Variants in GRHL2 observed in about 807,000 individuals in gnomAD.
GRHL2 encodes the protein grainyhead-like protein 2 homolog.
In GRHL2, 21 loss-of-function variants were observed where a neutral mutation model predicts 83.8. That is an observed-to-expected ratio of 0.25 (90% CI 0.18 to 0.36). GRHL2 has a LOEUF of 0.36. Ranked by LOEUF, GRHL2 falls within the 10% of genes least tolerant of loss-of-function variation. The probability of loss-of-function intolerance (pLI) is 1.00; values close to 1 mark genes in which losing one functional copy is unlikely to be tolerated. For synonymous variants in GRHL2, 280 were observed against 278.9 expected (o/e 1.00, Z -0.04); for missense variants, 623 against 781.8 (o/e 0.80, Z 2.42).
chr8:101,611,872 T>G (rs1812757082), intron 8 of GRHL2, among the ~76,000 whole-genome samples: 1 of 150,974 alleles, frequency 6.6e-6, no homozygotes, highest in Admixed American at 6.6e-5. Flanking sequence ...TAGGGTGATC[T>G]CTCCATTTTT....
rs1813299597 is a variant in GRHL2, at chr8:101,636,937, C to T, written c.1517+9C>T. 1 of 1,612,702 alleles carries T rather than the reference C, an allele frequency of 6.2e-7. No homozygotes were observed. Among genetic ancestry groups the T allele is most frequent in the South Asian group, 1.1e-5 (1 of 91,038 alleles). On this transcript the variant is annotated intron_variant, in intron 12 of 15. Transcript: ENST00000646743. ...GATGATGAACGAGAAGGGTAAGACA[C>T]TCAGTTCTTTCATTTCAACACTCCA...
chr8:101,528,598 T>G (rs116409738), intron 1 of GRHL2: 1 of 170,322 alleles, frequency 5.9e-6, no homozygotes, highest in South Asian at 1.5e-4. Context: ...TTAGGTATAT[T>G]TGTGACCGAG....
In GRHL2 at chr8:101,608,777, A is replaced by ACACACC. The variant is rs1554591948; in HGVS notation, c.1098+9627_1098+9628insACACCC. On this transcript the variant is annotated intron_variant, in intron 8 of 15. Coordinates refer to ENST00000646743, the MANE Select transcript of GRHL2 (RefSeq NM_024915.4). ...CACACACACACACACACACACACAC[A>ACACACC]CCTACACCTCATTTCTAAGTACTTC... Among the ~76,000 whole-genome samples the ACACACC allele has an allele frequency of 1.0e-4, 13 of 130,140 alleles. 2 individuals are homozygous for ACACACC. The highest frequency in any genetic ancestry group is 4.3e-4 in the African/African-American group (13 of 30,294). The allele number at this position is 130,140 out of a possible 152,430, so 85.4% of individuals were successfully genotyped here. A position where few individuals can be genotyped will look rare whatever the true frequency, so the allele number is the denominator to read the frequency against.
intron 8 of GRHL2, among the ~76,000 whole-genome samples, chr8:101,599,455 C>T (rs751179754): frequency 3.3e-5 from 5 of 152,180 alleles, no homozygotes; most frequent in Non-Finnish European, 2.9e-5. Context: ...CCCCCAAAGG[C>T]GTCTCTGTGC....
intron 14 of GRHL2, among the ~76,000 whole-genome samples, chr8:101,650,137 G>GT (rs1018502233): frequency 6.6e-6 from 1 of 152,130 alleles, no homozygotes; most frequent in Non-Finnish European, 1.5e-5. Flanking sequence ...TAGAAGATTT[G>GT]TTTTTTTATA....
chr8:101,673,642 G>C (rs1203815104), downstream of GRHL2, among the ~76,000 whole-genome samples: 14 of 152,086 alleles, frequency 9.2e-5, no homozygotes, highest in East Asian at 2.1e-3. Flanking sequence ...ACATTAGACA[G>C]ATCAACAAGA....
chr8:101,564,097 A>C (rs1359303119), intron 4 of GRHL2, among the ~76,000 whole-genome samples: 10 of 152,226 alleles, frequency 6.6e-5, no homozygotes, highest in African/African-American at 1.9e-4. Flanking sequence ...GAGAAAGTAA[A>C]GAAACTTACC....
chr8:101,523,150 G>T (rs979623796), intron 1 of GRHL2, among the ~76,000 whole-genome samples: 1 of 151,892 alleles, frequency 6.6e-6, no homozygotes, highest in East Asian at 1.9e-4. Context: ...GGCCTCAAGT[G>T]ATCCACCCAC....
In GRHL2 at chr8:101,669,148, A is replaced by AGAT. The variant is rs1814147082; in HGVS notation, c.*2446_*2448dup. ...ATTTCCTGAGCGAAACACTCCAAAGAGATAGGAAAACTTGCCGCCTCTTCT... is the reference window on the plus strand; with the variant it reads ...ATTTCCTGAGCGAAACACTCCAAAGAGATGATAGGAAAACTTGCCGCCTCTTCT... On this transcript the variant is annotated 3_prime_UTR_variant, in exon 16 of 16. Transcript: ENST00000646743. The AGAT allele has an allele frequency of 6.6e-6, 1 of 152,030 alleles. No individual in the cohort carries two copies. The highest frequency in any genetic ancestry group is 1.5e-5 in the Non-Finnish European group (1 of 68,016). The allele number at this position is 152,030 out of a possible 1,614,324, so 9.4% of individuals were successfully genotyped here. A position where few individuals can be genotyped will look rare whatever the true frequency, so the allele number is the denominator to read the frequency against.
At chr8:101,616,026 A>G (rs1249319659) in intron 8 of GRHL2, among the ~76,000 whole-genome samples, 3 of 150,120 alleles carry the variant, frequency 2.0e-5, no homozygotes. Context: ...CTTTCTTTCT[A>G]TCTTTTCTTT....
chr8:101,662,305 G>T (rs1355482078), intron 14 of GRHL2, among the ~76,000 whole-genome samples: 1 of 152,222 alleles, frequency 6.6e-6, no homozygotes, highest in Non-Finnish European at 1.5e-5. Context: ...TGATGGATTA[G>T]TGATGTCTGT....
rs1308712369 is a variant in GRHL2, at chr8:101,667,198, A to G, written c.*495A>G. 9.4e-6 allele frequency: 2 copies of G among 212,868 alleles called. No homozygotes were observed. The highest frequency in any genetic ancestry group is 5.1e-5 in the Admixed American group (1 of 19,528). The allele number at this position is 212,868 out of a possible 1,614,324, so 13.2% of individuals were successfully genotyped here. A position where few individuals can be genotyped will look rare whatever the true frequency, so the allele number is the denominator to read the frequency against. ...AGAGGTGGATGCCCACTTTCTGGTC[A>G]GACACCTTTAGGTTGCTCTGGGGAA... is the stretch of plus-strand genomic sequence containing the variant. On this transcript the variant is annotated 3_prime_UTR_variant, in exon 16 of 16. Transcript: ENST00000646743.
intron 1 of GRHL2, among the ~76,000 whole-genome samples, chr8:101,510,861 G>A (rs1315193834): frequency 3.3e-5 from 5 of 152,164 alleles, no homozygotes; most frequent in African/African-American, 1.2e-4. Flanking sequence ...TTGGGAGGCT[G>A]AGGCAGGTGG....
At chr8:101,677,131 G>A in the GRHL2 span, among the ~76,000 whole-genome samples, 1 of 151,896 alleles carries the variant, frequency 6.6e-6, no homozygotes, top group Admixed American at 6.6e-5. Context: ...GTTAATGGGT[G>A]CAGCACACCA....
rs759714087 is a variant in GRHL2 at position 101,632,284 on chromosome 8, C to T, written c.1404C>T (p.Phe468=). The change falls in exon 11 of 16, where the codon TTC becomes TTT. Residue 468 remains phenylalanine (F), a synonymous_variant. Coordinates refer to ENST00000646743, the MANE Select transcript of GRHL2 (RefSeq NM_024915.4). The stretch of plus-strand genomic sequence containing the variant: ...AGAAGAAGAGTGACATCACCTACTT[C>T]AAAACCATGCCTGATCTCCACTCAC... The part of the protein sequence containing the change: ...PLQKKSDITY[F]KTMPDLHSQP... 1.2e-6 allele frequency: 2 copies of T among 1,614,074 alleles called. No individual in the cohort carries two copies. Among genetic ancestry groups the T allele is most frequent in the East Asian group, 4.5e-5 (2 of 44,882 alleles).
chr8:101,633,330 A>C lies in GRHL2; in HGVS notation c.1485+965A>C, dbSNP rs138382810. ...TATCAATTAGTTTTCTTTTAAACCC[A>C]AAGTCCTTTGAGGAAACATCTGTTT... On this transcript the variant is annotated intron_variant, in intron 11 of 15. Coordinates refer to ENST00000646743, the MANE Select transcript of GRHL2 (RefSeq NM_024915.4). Among the ~76,000 whole-genome samples, 640 of 152,328 alleles carry C rather than the reference A, an allele frequency of 4.2e-3. 5 individuals carry two copies. The highest frequency in any genetic ancestry group is 0.014 in the African/African-American group (596 of 41,566).
At chr8:101,541,428 C>T (rs1811152149) in intron 1 of GRHL2, among the ~76,000 whole-genome samples, 1 of 151,886 alleles carries the variant, frequency 6.6e-6, no homozygotes. Context: ...TACTAATATA[C>T]ATTCCTATCA....
chr8:101,563,398 G>A (rs576286157), intron 4 of GRHL2, among the ~76,000 whole-genome samples: 15 of 152,138 alleles, frequency 9.9e-5, no homozygotes, highest in Admixed American at 9.2e-4. Flanking sequence ...GAGTACAAAA[G>A]GTTGATGAGC....
intron 1 of GRHL2, 52 bp downstream of exon 1, chr8:101,492,841 T>TG: frequency 6.5e-7 from 1 of 1,546,454 alleles, no homozygotes; most frequent in Non-Finnish European, 8.9e-7. Context: ...TTTGGGCTGA[T>TG]GGCAACTGGT....
Sources: allele counts gnomAD v4.1 joint callset (sites outside exome capture counted in the v4.1 genomes callset), GRCh38; gene constraint gnomAD v4.1.1; transcripts MANE v1.5; gene names NCBI Gene and HGNC (gene_info 2026-07-23, HGNC 2026-07-21).